Variants in TMEM232 observed in about 807,000 individuals in gnomAD.
The protein encoded by TMEM232 is transmembrane protein 232.
In TMEM232, 80 loss-of-function variants were observed where a neutral mutation model predicts 78.8. That is an observed-to-expected ratio of 1.01 (90% CI 0.85 to 1.22). The LOEUF is 1.22. TMEM232 is among the 50% of genes most tolerant of loss of function. The pLI is 0.00. For synonymous variants in TMEM232, 297 were observed against 254.3 expected, an observed-to-expected ratio of 1.17 and a Z score of -1.60; for missense variants, 881 against 742.2, an observed-to-expected ratio of 1.19 and a Z score of -2.17.
At chr5:110,400,414 G>A (rs1295931822) in intron 2 of TMEM232, among the ~76,000 whole-genome samples, 1 of 151,960 alleles carries the variant, frequency 6.6e-6, no homozygotes, top group East Asian at 1.9e-4. Flanking sequence ...CTCAAATAAT[G>A]AATCTAATTT....
intron 5 of TMEM232, chr5:110,628,751 T>C (rs1316025460): frequency 6.6e-6 from 1 of 151,768 alleles, no homozygotes; most frequent in African/African-American, 2.4e-5. Context: ...ATGATATACA[T>C]GTAAAAATAA....
chr5:110,628,097 C>T (rs571382452), intron 5 of TMEM232, among the ~76,000 whole-genome samples: 1 of 152,192 alleles, frequency 6.6e-6, no homozygotes, highest in South Asian at 2.1e-4. Context: ...CTCTACACTA[C>T]ATATAATGAC....
intron 2 of TMEM232, among the ~76,000 whole-genome samples, chr5:110,665,750 T>C (rs974160603): frequency 3.9e-5 from 6 of 151,976 alleles, no homozygotes; most frequent in African/African-American, 1.4e-4. Flanking sequence ...ACTTATACTA[T>C]ACATGAGCAT....
At chr5:110,690,624 G>GT (rs2150222911) in intron 1 of TMEM232, among the ~76,000 whole-genome samples, 1 of 152,246 alleles carries the variant, frequency 6.6e-6, no homozygotes, top group African/African-American at 2.4e-5. Context: ...CCATTACTGG[G>GT]TATATACCCA....
chr5:110,464,013 T>C, intron 12 of TMEM232, among the ~76,000 whole-genome samples: 1 of 152,314 alleles, frequency 6.6e-6, no homozygotes, highest in East Asian at 1.9e-4. Flanking sequence ...ATATGGGTCT[T>C]AGCTCAAATG....
intron 5 of TMEM232, among the ~76,000 whole-genome samples, chr5:110,628,285 TTA>T (rs1186519428): frequency 6.6e-6 from 1 of 152,070 alleles, no homozygotes; most frequent in African/African-American, 2.4e-5. Context: ...TGAGTGTATA[TTA>T]TGTTATCCGA....
intron 1 of TMEM232, among the ~76,000 whole-genome samples, chr5:110,689,329 T>C (rs1223473372): frequency 9.8e-5 from 15 of 152,318 alleles, no homozygotes; most frequent in African/African-American, 3.1e-4. Context: ...CATACATATA[T>C]ATGTTCATCA....
At chr5:110,451,716 G>C (rs1204581968) in intron 12 of TMEM232, among the ~76,000 whole-genome samples, 1 of 151,972 alleles carries the variant, frequency 6.6e-6, no homozygotes, top group African/African-American at 2.4e-5. Flanking sequence ...CCAGCAAGAA[G>C]CTTTCTTTCT....
chr5:110,478,493 G>T (rs1481603301), intron 12 of TMEM232, among the ~76,000 whole-genome samples: 9 of 151,882 alleles, frequency 5.9e-5, no homozygotes, highest in Non-Finnish European at 1.3e-4. Flanking sequence ...AGCAACTGAG[G>T]CCATTTTTGG....
rs537538999 is a variant in TMEM232, at chr5:110,530,847, T to C, written c.1456-2012A>G. 1.1e-4 allele frequency among the ~76,000 whole-genome samples: 17 copies of C among 152,138 alleles called. No individual in the cohort carries two copies. In the South Asian group the frequency reaches 2.7e-3, roughly 24 times the overall value. ...ATCATATCTTGAAAAATGCTGAGAGTAGATGTTAAATGTTCTCAAAAAAGA... is the reference window on the plus strand; with the variant it reads ...ATCATATCTTGAAAAATGCTGAGAGCAGATGTTAAATGTTCTCAAAAAAGA... On this transcript the variant is annotated intron_variant, in intron 11 of 13. Transcript: ENST00000455884.
intron 1 of TMEM232, among the ~76,000 whole-genome samples, chr5:110,689,910 T>C (rs1355099769): frequency 6.6e-6 from 1 of 151,982 alleles, no homozygotes; most frequent in Non-Finnish European, 1.5e-5. Context: ...TAATAAATGG[T>C]ATTGGGAAAA....
chr5:110,536,524 CTTCTT>C (rs1315392423), intron 11 of TMEM232, among the ~76,000 whole-genome samples: 2 of 152,164 alleles, frequency 1.3e-5, no homozygotes, highest in Non-Finnish European at 1.5e-5. Flanking sequence ...CCACTTAAAC[CTTCTT>C]TTCTTATAGT....
At chr5:110,695,806 A>ATT (rs1409659373) in intron 1 of TMEM232, among the ~76,000 whole-genome samples, 1 of 152,176 alleles carries the variant, frequency 6.6e-6, no homozygotes, top group Non-Finnish European at 1.5e-5. Context: ...TGAGGCAATA[A>ATT]TTAATAGCTT....
At chr5:110,558,767 A>G (rs1399773842) in intron 11 of TMEM232, among the ~76,000 whole-genome samples, 1 of 152,002 alleles carries the variant, frequency 6.6e-6, no homozygotes, top group African/African-American at 2.4e-5. Context: ...ATCCCTTCCA[A>G]CTCTCCAAGC....
At chr5:110,491,952 C>G (rs939416090) in intron 12 of TMEM232, among the ~76,000 whole-genome samples, 2 of 151,576 alleles carry the variant, frequency 1.3e-5, no homozygotes, top group African/African-American at 4.8e-5. Flanking sequence ...ACAAAATAGA[C>G]AAATTACTTA....
intron 12 of TMEM232, among the ~76,000 whole-genome samples, chr5:110,472,708 G>A: frequency 6.6e-6 from 1 of 151,866 alleles, no homozygotes; most frequent in South Asian, 2.1e-4. Flanking sequence ...AAAGCATGGT[G>A]TTGACATAAA....
At chr5:110,560,555 A>G (rs1016006241) in intron 11 of TMEM232, among the ~76,000 whole-genome samples, 36 of 152,232 alleles carry the variant, frequency 2.4e-4, no homozygotes, top group Non-Finnish European at 7.3e-5. Context: ...CATTAAAGAA[A>G]GAAGTTATAT....
At chr5:110,401,449 C>A (rs778999113) in intron 2 of TMEM232, among the ~76,000 whole-genome samples, 1 of 152,080 alleles carries the variant, frequency 6.6e-6, no homozygotes, top group East Asian at 1.9e-4. Flanking sequence ...TATCGACATA[C>A]CCTCCTGAGC....
intron 12 of TMEM232, among the ~76,000 whole-genome samples, chr5:110,502,699 C>T (rs767807202): frequency 3.2e-4 from 49 of 152,130 alleles, no homozygotes; most frequent in Non-Finnish European, 5.9e-4. Context: ...ACTCACTACC[C>T]GGTAGCCACA....
Sources: gnomAD v4.1 joint callset for allele counts (sites outside exome capture counted in the v4.1 genomes callset) on GRCh38, gnomAD v4.1.1 for gene constraint, MANE v1.5 for transcripts, NCBI Gene and HGNC (gene_info 2026-07-23, HGNC 2026-07-21) for gene names.